Variants in FARS2 observed in about 807,000 individuals in gnomAD.
FARS2 encodes phenylalanine--tRNA ligase, mitochondrial.
In FARS2, 40 loss-of-function variants were observed where a neutral mutation model predicts 46.4. That is an observed-to-expected ratio of 0.86 (90% CI 0.67 to 1.12). The LOEUF (loss-of-function observed/expected upper bound fraction) is 1.12, where lower values mean the gene tolerates loss of function less well. Among genes scored for constraint, FARS2 ranks in the 50% most tolerant of loss-of-function variants. The pLI is 0.00. For synonymous variants in FARS2, 234 were observed against 214.9 expected, an observed-to-expected ratio of 1.09 and a Z score of -0.78; for missense variants, 513 against 567.9, an observed-to-expected ratio of 0.90 and a Z score of 0.98.
intron 6 of FARS2, among the ~76,000 whole-genome samples, chr6:5,726,597 T>C (rs1373833801): frequency 6.6e-6 from 1 of 152,214 alleles, no homozygotes; most frequent in Non-Finnish European, 1.5e-5. Flanking sequence ...GTCTTAACGA[T>C]ATTTTTAAAG....
chr6:5,737,033 C>T (rs1760996497), intron 6 of FARS2, among the ~76,000 whole-genome samples: 1 of 152,140 alleles, frequency 6.6e-6, no homozygotes, highest in African/African-American at 2.4e-5. Context: ...TTCCCTTCAC[C>T]CTATGAATTA....
intron 1 of FARS2, among the ~76,000 whole-genome samples, chr6:5,347,129 G>A (rs553016862): frequency 6.6e-6 from 1 of 152,100 alleles, no homozygotes; most frequent in South Asian, 2.1e-4. Flanking sequence ...GGCCTGGCTG[G>A]TCTTGAACTC....
chr6:5,273,662 A>G (rs960619412), intron 1 of FARS2, among the ~76,000 whole-genome samples: 3 of 152,038 alleles, frequency 2.0e-5, no homozygotes, highest in African/African-American at 7.2e-5. Flanking sequence ...TGCTTACAGA[A>G]GCGTTTTTGC....
At chr6:5,480,096 T>C (rs1766364881) in intron 4 of FARS2, among the ~76,000 whole-genome samples, 1 of 152,252 alleles carries the variant, frequency 6.6e-6, no homozygotes, top group African/African-American at 2.4e-5. Context: ...TCACGATTTT[T>C]ATCAACGACT....
At chr6:5,537,587 T>C (rs1770296761) in intron 4 of FARS2, among the ~76,000 whole-genome samples, 1 of 142,640 alleles carries the variant, frequency 7.0e-6, no homozygotes, top group Non-Finnish European at 1.5e-5. Flanking sequence ...GTTGGAGATG[T>C]CCCGGGCTTC....
At chr6:5,651,637 G>C (rs1561778236) in intron 6 of FARS2, among the ~76,000 whole-genome samples, 2 of 152,172 alleles carry the variant, frequency 1.3e-5, no homozygotes, top group Admixed American at 6.5e-5. Context: ...ACTTCAAGAG[G>C]ATTAAGTAAT....
intron 1 of FARS2, among the ~76,000 whole-genome samples, chr6:5,275,105 A>G (rs1766246007): frequency 6.6e-6 from 1 of 152,154 alleles, no homozygotes; most frequent in African/African-American, 2.4e-5. Context: ...TTGTCAATTT[A>G]AGTTATTTGT....
At chr6:5,555,854 A>C (rs1447319079) in intron 5 of FARS2, among the ~76,000 whole-genome samples, 1 of 152,188 alleles carries the variant, frequency 6.6e-6, no homozygotes, top group African/African-American at 2.4e-5. Context: ...TTTTATATGT[A>C]TTCAGTAAGC....
intron 4 of FARS2, among the ~76,000 whole-genome samples, chr6:5,437,924 C>T (rs1300630973): frequency 6.6e-6 from 1 of 152,078 alleles, no homozygotes; most frequent in African/African-American, 2.4e-5. Context: ...CTTTCCTTAG[C>T]ATTTTTTATA....
chr6:5,639,297 G>A (rs1027319861), intron 6 of FARS2, among the ~76,000 whole-genome samples: 2 of 152,156 alleles, frequency 1.3e-5, no homozygotes, highest in Non-Finnish European at 2.9e-5. Flanking sequence ...CCAGTGCCAG[G>A]GCCCAGTCTC....
At chr6:5,350,830 G>T (rs1022949703) in intron 1 of FARS2, among the ~76,000 whole-genome samples, 1 of 152,150 alleles carries the variant, frequency 6.6e-6, no homozygotes, top group Non-Finnish European at 1.5e-5. Flanking sequence ...ACAACTGCAG[G>T]TTAATCTATA....
At chr6:5,658,091 T>C (rs1582687485) in intron 6 of FARS2, among the ~76,000 whole-genome samples, 2 of 152,168 alleles carry the variant, frequency 1.3e-5, no homozygotes, top group African/African-American at 2.4e-5. Context: ...ACCCCTTCTC[T>C]ACTAAAAGTA....
chr6:5,691,855 C>T (rs141437605), intron 6 of FARS2, among the ~76,000 whole-genome samples: 40 of 152,302 alleles, frequency 2.6e-4, no homozygotes, highest in African/African-American at 9.6e-4. Context: ...GCTTCCTGGC[C>T]GCTTTGTTTA....
In FARS2 at chr6:5,462,948, C is replaced by A. The variant is rs1765323945; in HGVS notation, c.904+31776C>A. ...AATTTATATTTATATCAGAGCTTGG[C>A]AAACTTTTTTCTGAAAGGGCTAGGT... On this transcript the variant is annotated intron_variant, in intron 4 of 6. Coordinates refer to ENST00000274680, the MANE Select transcript of FARS2 (RefSeq NM_006567.5). Among the ~76,000 whole-genome samples, 3 of 152,162 alleles carry A rather than the reference C, an allele frequency of 2.0e-5. No homozygotes were observed. In the South Asian group the frequency reaches 6.2e-4, roughly 32 times the overall value.
intron 6 of FARS2, among the ~76,000 whole-genome samples, chr6:5,733,424 A>G (rs903231821): frequency 2.1e-4 from 32 of 152,200 alleles, no homozygotes; most frequent in African/African-American, 7.2e-4. Context: ...TCTTTAATCT[A>G]TGCAATACCA....
At chr6:5,408,806 C>T (rs1257150083) in intron 3 of FARS2, among the ~76,000 whole-genome samples, 1 of 152,102 alleles carries the variant, frequency 6.6e-6, no homozygotes, top group Non-Finnish European at 1.5e-5. Context: ...GCTGATTCGC[C>T]TTTATCATGT....
chr6:5,503,195 TA>T (rs74823823), intron 4 of FARS2, among the ~76,000 whole-genome samples: 14,244 of 150,758 alleles, frequency 0.094, 870 homozygotes, highest in East Asian at 0.22. Flanking sequence ...ATAAAATATA[TA>T]AAAATATTTT....
intron 6 of FARS2, among the ~76,000 whole-genome samples, chr6:5,625,916 G>T (rs950712263): frequency 5.3e-5 from 8 of 152,326 alleles, no homozygotes; most frequent in African/African-American, 1.9e-4. Flanking sequence ...GGATGGTTAA[G>T]TTAGAACATC....
intron 5 of FARS2, among the ~76,000 whole-genome samples, chr6:5,580,726 C>T (rs959665903): frequency 2.0e-5 from 3 of 152,152 alleles, no homozygotes; most frequent in East Asian, 1.9e-4. Flanking sequence ...CTCTGGACGC[C>T]GCCATTCCTG....
Sources: allele counts gnomAD v4.1 joint callset (sites outside exome capture counted in the v4.1 genomes callset), GRCh38; gene constraint gnomAD v4.1.1; transcripts MANE v1.5; gene names NCBI Gene and HGNC (gene_info 2026-07-23, HGNC 2026-07-21).